The following PCDH9 variants were observed in gnomAD, a reference collection of about 807,000 sequenced individuals.
The protein encoded by PCDH9 is protocadherin-9.
A neutral mutation model predicts 70.6 loss-of-function variants in PCDH9; 24 were observed. That is an observed-to-expected ratio of 0.34 (90% CI 0.25 to 0.48). The LOEUF (loss-of-function observed/expected upper bound fraction) is 0.48, where lower values mean the gene tolerates loss of function less well. PCDH9 is among the 20% of genes least tolerant of loss of function. The pLI, the probability that PCDH9 is intolerant of heterozygous loss-of-function variation, is 0.99. For missense variants in PCDH9, 1,281 were observed against 1,503.6 expected (o/e 0.85, Z 2.45); for synonymous variants, 562 against 558.5 (o/e 1.01, Z -0.09).
intron 3 of PCDH9, among the ~76,000 whole-genome samples, chr13:66,896,799 C>T (rs370508017): frequency 1.3e-5 from 2 of 152,100 alleles, no homozygotes; most frequent in East Asian, 3.9e-4. Context: ...GGAAAGAGGT[C>T]TGCATTGAGG....
intron 4 of PCDH9, among the ~76,000 whole-genome samples, chr13:66,479,084 G>T (rs2138503844): frequency 1.3e-5 from 2 of 152,256 alleles, no homozygotes; most frequent in Middle Eastern, 3.4e-3. Context: ...TGGCCCTTAA[G>T]AATTATGCTA....
intron 4 of PCDH9, among the ~76,000 whole-genome samples, chr13:66,394,890 T>C (rs757760894): frequency 2.0e-5 from 3 of 152,164 alleles, no homozygotes; most frequent in Non-Finnish European, 2.9e-5. Context: ...GAGAATATTC[T>C]ATACTGAATG....
At chr13:67,182,793 C>A (rs572086736) in intron 2 of PCDH9, among the ~76,000 whole-genome samples, 5 of 152,202 alleles carry the variant, frequency 3.3e-5, no homozygotes, top group Non-Finnish European at 5.9e-5. Context: ...TTCTGGGGTA[C>A]CCTCTTCCTT....
At chr13:67,181,336 GT>G (rs1337752658) in intron 2 of PCDH9, among the ~76,000 whole-genome samples, 1 of 152,098 alleles carries the variant, frequency 6.6e-6, no homozygotes, top group African/African-American at 2.4e-5. Context: ...ATCGGTCTTA[GT>G]TTTTAGGAAA....
intron 3 of PCDH9, among the ~76,000 whole-genome samples, chr13:66,765,082 C>CTG (rs1427327478): frequency 0.013 from 92 of 6,972 alleles, no homozygotes; most frequent in African/African-American, 0.018. Context: ...CTCTGTCTGT[C>CTG]TCTCTCTCTC....
chr13:66,362,435 A>G (rs1323061474), intron 4 of PCDH9, among the ~76,000 whole-genome samples: 2 of 152,168 alleles, frequency 1.3e-5, no homozygotes, highest in Non-Finnish European at 1.5e-5. Context: ...GGAAGATCCC[A>G]ACATTACAGA....
chr13:66,673,105 G>A (rs1302897660), intron 3 of PCDH9, among the ~76,000 whole-genome samples: 1 of 152,116 alleles, frequency 6.6e-6, no homozygotes, highest in Non-Finnish European at 1.5e-5. Context: ...TGGTTCTGCT[G>A]GGTCTCCACC....
intron 3 of PCDH9, among the ~76,000 whole-genome samples, chr13:66,789,998 A>G (rs1594064488): frequency 6.6e-6 from 1 of 152,124 alleles, no homozygotes; most frequent in African/African-American, 2.4e-5. Context: ...TTCTAATGCA[A>G]TATCTGGGTT....
At chr13:67,064,446 TATAAA>T (rs2085601455) in intron 2 of PCDH9, among the ~76,000 whole-genome samples, 1 of 152,174 alleles carries the variant, frequency 6.6e-6, no homozygotes, top group Non-Finnish European at 1.5e-5. Context: ...ATTTAAATGG[TATAAA>T]ATAATAAGGA....
chr13:66,979,600 T>C (rs2083695921), intron 2 of PCDH9, among the ~76,000 whole-genome samples: 1 of 152,130 alleles, frequency 6.6e-6, no homozygotes, highest in Admixed American at 6.6e-5. Context: ...GTGACTCTCA[T>C]TTTAAGATAA....
Position 66,852,055 on chromosome 13 carries a change from C to A in PCDH9, c.3138+51449G>T, listed in dbSNP as rs1489436368. On this transcript the variant is annotated intron_variant, in intron 3 of 4. Transcript: ENST00000377865. ...GGACTTTAATTCTATCAGTTCATGGCTCTACCCTTATAACCTCATTTAACC... is the reference window on the plus strand; with the variant it reads ...GGACTTTAATTCTATCAGTTCATGGATCTACCCTTATAACCTCATTTAACC... Among the ~76,000 whole-genome samples, 4 of 151,950 alleles carry A rather than the reference C, an allele frequency of 2.6e-5. No individual in the cohort carries two copies. The South Asian group carries it at 8.3e-4, about 32-fold the overall frequency.
intron 3 of PCDH9, among the ~76,000 whole-genome samples, chr13:66,661,481 T>C (rs2078007780): frequency 6.6e-6 from 1 of 152,214 alleles, no homozygotes; most frequent in Non-Finnish European, 1.5e-5. Flanking sequence ...GGCTTCAGGA[T>C]CATTTACTAA....
In PCDH9 at chr13:66,417,271, T is replaced by C. The variant is rs148103785; in HGVS notation, c.3341-112243A>G. Among the ~76,000 whole-genome samples, 101 of 152,282 alleles carry C rather than the reference T, an allele frequency of 6.6e-4. 1 individual carries two copies. The highest frequency in any genetic ancestry group is 1.9e-3 in the African/African-American group (78 of 41,570). ...CAACTCCCACTTATGAGTAAGAATA[T>C]GTGGTGTTTGGTTTTCTGTTCCTGT... On this transcript the variant is annotated intron_variant, in intron 4 of 4. Transcript: ENST00000377865.
chr13:66,665,113 T>C (rs1388499434), intron 3 of PCDH9, among the ~76,000 whole-genome samples: 3 of 151,658 alleles, frequency 2.0e-5, no homozygotes, highest in Admixed American at 2.0e-4. Context: ...TCTCTCCTTT[T>C]TTTTTTTTTT....
chr13:66,395,778 C>T (rs756359839), intron 4 of PCDH9, among the ~76,000 whole-genome samples: 1 of 151,976 alleles, frequency 6.6e-6, no homozygotes, highest in Non-Finnish European at 1.5e-5. Context: ...TAGTATAAAC[C>T]ATGTGGTGTA....
At chr13:66,905,749 A>T (rs564852309) in intron 2 of PCDH9, among the ~76,000 whole-genome samples, 2 of 152,318 alleles carry the variant, frequency 1.3e-5, no homozygotes, top group East Asian at 3.9e-4. Context: ...CTTTAAATAC[A>T]AGAACTTATG....
intron 2 of PCDH9, among the ~76,000 whole-genome samples, chr13:67,050,426 T>A (rs1382274245): frequency 6.6e-6 from 1 of 152,146 alleles, no homozygotes; most frequent in African/African-American, 2.4e-5. Flanking sequence ...TAAGAATGAC[T>A]CTCATTTAAT....
intron 2 of PCDH9, among the ~76,000 whole-genome samples, chr13:66,904,866 A>G (rs1268177769): frequency 6.6e-6 from 1 of 152,038 alleles, no homozygotes; most frequent in Non-Finnish European, 1.5e-5. Context: ...ATAAATAGCT[A>G]TGTGACAACT....
intron 2 of PCDH9, among the ~76,000 whole-genome samples, chr13:66,957,123 T>G (rs1215554468): frequency 1.3e-5 from 2 of 152,222 alleles, no homozygotes; most frequent in Non-Finnish European, 2.9e-5. Flanking sequence ...CTTTGGAAGC[T>G]GTGTGCTGAC....
Sources: gnomAD v4.1 joint callset for allele counts (sites outside exome capture counted in the v4.1 genomes callset) on GRCh38, gnomAD v4.1.1 for gene constraint, MANE v1.5 for transcripts, NCBI Gene and HGNC (gene_info 2026-07-23, HGNC 2026-07-21) for gene names.